Variants in OCIAD1 observed in about 807,000 individuals in gnomAD.
The protein encoded by OCIAD1 is OCIA domain containing 1.
A neutral mutation model predicts 38.9 loss-of-function variants in OCIAD1; 29 were observed. The observed-to-expected ratio is 0.74, with a 90% CI of 0.55 to 1.02. The LOEUF (loss-of-function observed/expected upper bound fraction) is 1.02. OCIAD1 is among the 50% of genes least tolerant of loss of function. The pLI is 0.00. For synonymous variants in OCIAD1, 110 were observed against 92.0 expected, an observed-to-expected ratio of 1.20 and a Z score of -1.12; for missense variants, 288 against 289.6, an observed-to-expected ratio of 0.99 and a Z score of 0.04.
At chr4:48,839,688 G>T (rs1778350619) in intron 3 of OCIAD1, among the ~76,000 whole-genome samples, 1 of 152,086 alleles carries the variant, frequency 6.6e-6, no homozygotes, top group South Asian at 2.1e-4. Context: ...AATTTTTATT[G>T]ACTACAGTTA....
In OCIAD1 at chr4:48,854,978, T is replaced by C. The variant is rs376670022; in HGVS notation, c.548-2235T>C. ...TACATTTTTTTATTCCTTCCAGTTC[T>C]TTATAACCTTCCCAAAATAGTAAAT... On this transcript the variant is annotated intron_variant, in intron 7 of 8. Transcript: ENST00000264312. Among the ~76,000 whole-genome samples, 17 of 152,372 alleles carry C rather than the reference T, an allele frequency of 1.1e-4. No homozygotes were observed. The East Asian group carries it at 3.3e-3, about 29-fold the overall frequency.
At chr4:48,807,503 C>T (rs185738531) in intron 1 of OCIAD1, among the ~76,000 whole-genome samples, 1 of 152,224 alleles carries the variant, frequency 6.6e-6, no homozygotes, top group East Asian at 1.9e-4. Context: ...TATAAGGATT[C>T]ATATTATATT....
At chr4:48,849,530 T>C (rs191704274) in intron 5 of OCIAD1, among the ~76,000 whole-genome samples, 3 of 152,300 alleles carry the variant, frequency 2.0e-5, no homozygotes, top group Admixed American at 6.5e-5. Flanking sequence ...GCATATGATA[T>C]TCTGTTTTAT....
At chr4:48,820,615 TG>T (rs1442149961) in intron 1 of OCIAD1, among the ~76,000 whole-genome samples, 1 of 152,210 alleles carries the variant, frequency 6.6e-6, no homozygotes, top group African/African-American at 2.4e-5. Context: ...ATCCAGGAGC[TG>T]GTTTTTTGAA....
chr4:48,828,528 C>T (rs1373947512), upstream of OCIAD1, among the ~76,000 whole-genome samples: 1 of 152,178 alleles, frequency 6.6e-6, no homozygotes, highest in Non-Finnish European at 1.5e-5. Context: ...TTTGGGTCTG[C>T]ACCACCTTTA....
At chr4:48,860,608 A>G in intron 8 of OCIAD1, 117 bp from the exon 9 acceptor site, 1 of 822,288 alleles carries the variant, frequency 1.2e-6, no homozygotes, top group Non-Finnish European at 2.1e-6. Flanking sequence ...TTTGACTCTC[A>G]TGTGCTTTTA....
At chr4:48,814,310 G>A in intron 1 of OCIAD1, among the ~76,000 whole-genome samples, 1 of 150,516 alleles carries the variant, frequency 6.6e-6, no homozygotes. Flanking sequence ...GCAGAGTATG[G>A]CTATTCAGAA....
chr4:48,842,533 A>G, intron 3 of OCIAD1, 103 bp from the exon 4 acceptor site: 1 of 727,462 alleles, frequency 1.4e-6, no homozygotes. Context: ...TTAGTTATGC[A>G]ATATAATTCC....
At position 48,834,809 on chromosome 4, in the gene OCIAD1, C is replaced by T. The variant is rs561348824; in HGVS notation, c.139+1328C>T. On this transcript the variant is annotated intron_variant, in intron 3 of 8. Coordinates refer to ENST00000264312, the MANE Select transcript of OCIAD1 (RefSeq NM_017830.4). Reference sequence around the variant, plus strand: ...AAAAGAAAAAAAGGGCAACTTAAGCCATTAAGGAGGATGTATGTTTTCATC... The same window carrying T: ...AAAAGAAAAAAAGGGCAACTTAAGCTATTAAGGAGGATGTATGTTTTCATC... Among the ~76,000 whole-genome samples the T allele has an allele frequency of 2.8e-4, 43 of 152,190 alleles. No individual in the cohort carries two copies. In the South Asian group the frequency reaches 8.7e-3, roughly 31 times the overall value.
chr4:48,807,613 T>A (rs1325862267), intron 1 of OCIAD1, among the ~76,000 whole-genome samples: 1 of 152,190 alleles, frequency 6.6e-6, no homozygotes, highest in Non-Finnish European at 1.5e-5. Context: ...TTTTTAAAAG[T>A]ATGTTTCTTG....
At chr4:48,831,031 A>T (rs918405756), upstream of OCIAD1, 45 of 184,648 alleles carry the variant, frequency 2.4e-4, no homozygotes, top group Middle Eastern at 2.6e-3. Flanking sequence ...ACCCGCAGTG[A>T]GGTCTGACGT....
intron 3 of OCIAD1, among the ~76,000 whole-genome samples, chr4:48,841,552 G>A (rs1162984978): frequency 6.6e-6 from 1 of 152,108 alleles, no homozygotes; most frequent in Non-Finnish European, 1.5e-5. Flanking sequence ...TTCACCCTCT[G>A]CCTAACAGGT....
intron 1 of OCIAD1, among the ~76,000 whole-genome samples, chr4:48,819,740 A>AAAAAAAAAAAAG (rs1381189214): frequency 8.2e-5 from 12 of 145,556 alleles, no homozygotes; most frequent in Non-Finnish European, 1.5e-4. Context: ...AAAAAAAAAA[A>AAAAAAAAAAAAG]AAAAGGAGGG....
chr4:48,826,307 C>G (rs1777250065), upstream of OCIAD1, among the ~76,000 whole-genome samples: 1 of 152,106 alleles, frequency 6.6e-6, no homozygotes, highest in Non-Finnish European at 1.5e-5. Context: ...TCCTCCCTCC[C>G]CACAACCCAC....
chr4:48,845,255 GTTTAACCCA>G (rs1778882565), intron 4 of OCIAD1, among the ~76,000 whole-genome samples: 1 of 152,032 alleles, frequency 6.6e-6, no homozygotes, highest in Admixed American at 6.6e-5. Flanking sequence ...TTTTTACTTC[GTTTAACCCA>G]TTGCAGTCAG....
upstream of OCIAD1, chr4:48,830,533 G>A (rs532828589): frequency 3.3e-5 from 5 of 152,318 alleles, no homozygotes; most frequent in South Asian, 8.3e-4. Context: ...ACAGTGATGT[G>A]TTGTTTTAAT....
At chr4:48,848,663 A>C (rs1371180485) in intron 5 of OCIAD1, 2 of 349,576 alleles carry the variant, frequency 5.7e-6, no homozygotes, top group Non-Finnish European at 1.0e-5. Flanking sequence ...GTGTCTTTAT[A>C]ATGTAATAGA....
At chr4:48,820,767 A>G (rs75504106) in intron 1 of OCIAD1, among the ~76,000 whole-genome samples, 4 of 152,226 alleles carry the variant, frequency 2.6e-5, no homozygotes, top group African/African-American at 9.6e-5. Context: ...AATACTATAA[A>G]CACCACTATG....
intron 1 of OCIAD1, chr4:48,831,598 G>A: frequency 7.9e-7 from 1 of 1,260,936 alleles, no homozygotes; most frequent in Non-Finnish European, 1.0e-6. Context: ...ACTTAAAATG[G>A]TATTGTCTTA....
Sources: gnomAD v4.1 joint callset for allele counts (sites outside exome capture counted in the v4.1 genomes callset) on GRCh38, gnomAD v4.1.1 for gene constraint, MANE v1.5 for transcripts, NCBI Gene and HGNC (gene_info 2026-07-23, HGNC 2026-07-21) for gene names.